Variants in MAP3K14 observed in about 807,000 individuals in gnomAD.
MAP3K14 encodes mitogen-activated protein kinase kinase kinase 14, also known as NF-kappa-beta-inducing kinase.
MAP3K14 carries 16 observed loss-of-function variants against 99.2 expected under a neutral mutation model. The ratio of observed to expected loss-of-function variants is 0.16; its 90% CI spans 0.11 to 0.24. The LOEUF (loss-of-function observed/expected upper bound fraction) is 0.24. Ranked by LOEUF, MAP3K14 falls within the 10% of genes least tolerant of loss-of-function variation. MAP3K14 has a pLI of 1.00. For missense variants in MAP3K14, 784 were observed against 1,208.7 expected (o/e 0.65, Z 5.21); for synonymous variants, 462 against 492.4 (o/e 0.94, Z 0.82).
chr17:45,287,167 G>C lies in MAP3K14; in HGVS notation c.524C>G (p.Thr175Ser). The change falls in exon 4 of 16, where the codon ACC becomes AGC. Residue 175 changes from threonine (T) to serine (S), a missense_variant. Transcript: ENST00000344686. ...GGAGGGTCTCACCTGCACTGGGATG[G>C]TGCAGCTCTCCTGCTCAGGGGTCCT... ...LPRTPEQESCTIPVQEDESPL... is the reference protein window; with the variant it reads ...LPRTPEQESCSIPVQEDESPL... 6.2e-7 allele frequency: 1 copy of C among 1,613,722 alleles called. No individual in the cohort carries two copies. Among genetic ancestry groups the C allele is most frequent in the Non-Finnish European group, 8.5e-7 (1 of 1,179,742 alleles).
In MAP3K14 at chr17:45,267,129, C is replaced by A; in HGVS notation, c.2396G>T (p.Ser799Ile). 1 of 1,599,606 alleles carries A rather than the reference C, an allele frequency of 6.3e-7. No homozygotes were observed. Among genetic ancestry groups the A allele is most frequent in the Non-Finnish European group, 8.5e-7 (1 of 1,173,048 alleles). The change falls in exon 13 of 16, where the codon AGC (serine) becomes ATC (isoleucine). Residue 799 changes from serine to isoleucine, a missense_variant. Ser to Ile is a moderately radical substitution (Grantham distance 142). Around this residue, in one of 5 missense-constraint regions of MAP3K14, gnomAD observed 130 missense variants for 220.4 expected, o/e 0.59. Coordinates refer to ENST00000344686, the MANE Select transcript of MAP3K14 (RefSeq NM_003954.5). The surrounding 1 kb of genome is among the most constrained non-coding windows in gnomAD (Gnocchi z 5.1). ...EEQEQILSCL[S>I]IDSLSLSDDS... ...ATCCGACAGGGAGAGGCTGTCGATGCTGAGGCACGAGAGAATTTGCTCCTG... is the reference window on the plus strand; with the variant it reads ...ATCCGACAGGGAGAGGCTGTCGATGATGAGGCACGAGAGAATTTGCTCCTG...
intron 1 of MAP3K14, among the ~76,000 whole-genome samples, chr17:45,297,716 CTT>C (rs34809589): frequency 0.03 from 3,338 of 110,896 alleles, 72 homozygotes; most frequent in East Asian, 0.18. Context: ...TGGTTTAAAT[CTT>C]TTTTTTTTTT....
chr17:45,284,703 A>G (rs1235647651), intron 6 of MAP3K14, 109 bp downstream of exon 6: 2 of 1,391,812 alleles, frequency 1.4e-6, no homozygotes, highest in Non-Finnish European at 1.9e-6. Flanking sequence ...TTCTGTTCAC[A>G]AGTCAGACCC....
At chr17:45,279,940 C>T (rs929926743) in intron 6 of MAP3K14, among the ~76,000 whole-genome samples, 7 of 152,194 alleles carry the variant, frequency 4.6e-5, no homozygotes, top group African/African-American at 1.7e-4. Flanking sequence ...TCCTTCTAAA[C>T]ACGTGTCCAG....
intron 6 of MAP3K14, among the ~76,000 whole-genome samples, chr17:45,280,002 A>C (rs934121595): frequency 2.6e-5 from 4 of 152,290 alleles, no homozygotes; most frequent in African/African-American, 9.6e-5. Context: ...CCCCCATTAC[A>C]ACTCGGGTTC....
rs2143792169 is a variant in MAP3K14 at position 45,274,524 on chromosome 17, G to C, written c.1360C>G (p.Pro454Ala). ...CAGLTSPRIV[P>A]LYGAVREGPW... is the part of the protein sequence containing the mutation. ...CCTTCTCTCACAGCTCCATACAAAGGGACAATTCTGGGTGAGGTCAATCCT... is the reference window on the plus strand; with the variant it reads ...CCTTCTCTCACAGCTCCATACAAAGCGACAATTCTGGGTGAGGTCAATCCT... Residue 454 changes from proline to alanine, a missense_variant, in exon 7 of 16, where the codon CCT (proline) becomes GCT (alanine). By Grantham distance (27) the Pro-to-Ala change is conservative. Coordinates refer to ENST00000344686, the MANE Select transcript of MAP3K14 (RefSeq NM_003954.5). The C allele has an allele frequency of 6.2e-6, 10 of 1,613,946 alleles. No individual in the cohort carries two copies. The highest frequency in any genetic ancestry group is 8.5e-6 in the Non-Finnish European group (10 of 1,179,884).
In MAP3K14 at chr17:45,286,724, G is replaced by A. The variant is rs1452289524; in HGVS notation, c.859C>T (p.Leu287=). 5.0e-6 allele frequency: 8 copies of A among 1,610,238 alleles called. No homozygotes were observed. Among genetic ancestry groups the A allele is most frequent in the Non-Finnish European group, 6.8e-6 (8 of 1,178,346 alleles). Reference sequence around the variant, plus strand: ...GGTTTCTGGCTGTCTACACAGGCCAGTTTGCCCAGGAAGGACTCCAGAGGG... The same window carrying A: ...GGTTTCTGGCTGTCTACACAGGCCAATTTGCCCAGGAAGGACTCCAGAGGG... ...PHPLESFLGK[L]ACVDSQKPLP... The change falls in exon 5 of 16, where the codon CTG becomes TTG. Residue 287 remains leucine (L), a synonymous_variant. Coordinates refer to ENST00000344686, the MANE Select transcript of MAP3K14 (RefSeq NM_003954.5). The surrounding 1 kb of genome is among the most constrained non-coding windows in gnomAD (Gnocchi z 4.1).
At chr17:45,282,834 C>G (rs545534312) in intron 6 of MAP3K14, among the ~76,000 whole-genome samples, 1 of 152,200 alleles carries the variant, frequency 6.6e-6, no homozygotes, top group African/African-American at 2.4e-5. Context: ...CCTGCTCTTC[C>G]AGCTGAAAAC....
intron 1 of MAP3K14, among the ~76,000 whole-genome samples, chr17:45,310,292 C>T (rs1568003640): frequency 6.6e-6 from 1 of 152,122 alleles, no homozygotes; most frequent in Admixed American, 6.5e-5. Flanking sequence ...CCTCAGCCTC[C>T]CAAAGCACTG....
intron 5 of MAP3K14, among the ~76,000 whole-genome samples, chr17:45,285,723 A>G (rs937422722): frequency 3.9e-5 from 6 of 152,234 alleles, no homozygotes; most frequent in East Asian, 1.9e-4. Flanking sequence ...TTGGAGGCCA[A>G]TGTGTGAGGA....
At chr17:45,315,124 GAGTCAGT>G (rs1288884356) in intron 1 of MAP3K14, among the ~76,000 whole-genome samples, 1 of 152,050 alleles carries the variant, frequency 6.6e-6, no homozygotes, top group Non-Finnish European at 1.5e-5. Flanking sequence ...GATCACAAAG[GAGTCAGT>G]GTTCAACAGG....
At chr17:45,303,585 T>A (rs1465546750) in intron 1 of MAP3K14, among the ~76,000 whole-genome samples, 3 of 152,040 alleles carry the variant, frequency 2.0e-5, no homozygotes, top group African/African-American at 7.2e-5. Context: ...AATACCAAAA[T>A]AATTGTTCAT....
At chr17:45,303,873 T>G (rs1403422879) in intron 1 of MAP3K14, among the ~76,000 whole-genome samples, 1 of 151,912 alleles carries the variant, frequency 6.6e-6, no homozygotes, top group Non-Finnish European at 1.5e-5. Context: ...TGAGCCACCG[T>G]GCCTGGCCTA....
Position 45,264,704 on chromosome 17 carries a change from G to C in MAP3K14, c.2776C>G (p.Leu926Val). 1 of 1,609,348 alleles carries C rather than the reference G, an allele frequency of 6.2e-7. No homozygotes were observed. Among genetic ancestry groups the C allele is most frequent in the Non-Finnish European group, 8.5e-7 (1 of 1,177,968 alleles). Reference sequence around the variant, plus strand: ...CAGGCGAAGCTGCCATCAGGGGCCAGTGTGCACTGCAGGTCGATGCCCGAG... The same window carrying C: ...CAGGCGAAGCTGCCATCAGGGGCCACTGTGCACTGCAGGTCGATGCCCGAG... ...PDSGIDLQCT[L>V]APDGSFAWSW... Residue 926 changes from leucine to valine, a missense_variant, in exon 16 of 16, where the codon CTG (leucine) becomes GTG (valine). Around this residue, in one of 5 missense-constraint regions of MAP3K14, gnomAD observed 130 missense variants for 220.4 expected, o/e 0.59. Coordinates refer to ENST00000344686, the MANE Select transcript of MAP3K14 (RefSeq NM_003954.5).
At chr17:45,275,965 G>C (rs1014596899) in intron 6 of MAP3K14, among the ~76,000 whole-genome samples, 1 of 152,038 alleles carries the variant, frequency 6.6e-6, no homozygotes, top group Non-Finnish European at 1.5e-5. Flanking sequence ...GTTTCACCAT[G>C]CTGGCCAGGC....
intron 1 of MAP3K14, among the ~76,000 whole-genome samples, chr17:45,295,115 T>C (rs1213155610): frequency 6.6e-6 from 1 of 152,258 alleles, no homozygotes; most frequent in African/African-American, 2.4e-5. Context: ...TCACAGATGA[T>C]AACCTTTTTA....
intron 6 of MAP3K14, among the ~76,000 whole-genome samples, chr17:45,283,994 C>T (rs892424108): frequency 2.6e-5 from 4 of 152,108 alleles, no homozygotes; most frequent in African/African-American, 7.2e-5. Flanking sequence ...GGTCTGCAGC[C>T]GCCACCGATG....
At chr17:45,282,511 T>C (rs1042281371) in intron 6 of MAP3K14, among the ~76,000 whole-genome samples, 1 of 144,044 alleles carries the variant, frequency 6.9e-6, no homozygotes, top group African/African-American at 2.6e-5. Flanking sequence ...GCTGTGATCA[T>C]GCCACTGCAT....
intron 1 of MAP3K14, among the ~76,000 whole-genome samples, chr17:45,293,856 C>T (rs1486561410): frequency 6.6e-6 from 1 of 152,190 alleles, no homozygotes; most frequent in Non-Finnish European, 1.5e-5. Context: ...GACACACACA[C>T]ATACGGATGC....
Sources: allele counts gnomAD v4.1 joint callset (sites outside exome capture counted in the v4.1 genomes callset), GRCh38; gene constraint gnomAD v4.1.1; regional missense constraint gnomAD v4.1.1; non-coding constraint Gnocchi (gnomAD v3.1); transcripts MANE v1.5; gene names NCBI Gene and HGNC (gene_info 2026-07-23, HGNC 2026-07-21).